The following ADGRE1 variants were observed in gnomAD, a reference collection of about 807,000 sequenced individuals.
The protein encoded by ADGRE1 is adhesion G protein-coupled receptor E1, also known as EGF-like module receptor 1.
ADGRE1 carries 82 observed loss-of-function variants against 102.7 expected under a neutral mutation model. The ratio of observed to expected loss-of-function variants is 0.80; its 90% CI spans 0.67 to 0.96. The LOEUF (loss-of-function observed/expected upper bound fraction) is 0.96. ADGRE1 is among the 40% of genes least tolerant of loss of function. The pLI is 0.00. For synonymous variants in ADGRE1, 398 were observed against 399.6 expected (o/e 1.00, Z 0.05); for missense variants, 1,032 against 1,085.3 (o/e 0.95, Z 0.69).
At chr19:6,888,578 G>A (rs551998407) in intron 1 of ADGRE1, among the ~76,000 whole-genome samples, 2 of 152,292 alleles carry the variant, frequency 1.3e-5, no homozygotes, top group South Asian at 4.1e-4. Flanking sequence ...TTTTACCAAG[G>A]AGGAAACTGA....
In ADGRE1 at chr19:6,901,758, T is replaced by C. The variant is rs928463947; in HGVS notation, c.515-117T>C. ...GGGAAGAAGGGGGGAACATGGATAT[T>C]GGGGAGCATCAGCCCTGTCTGCTGA... On this transcript the variant is annotated intron_variant, in intron 5 of 20. Coordinates refer to ENST00000312053, the MANE Select transcript of ADGRE1 (RefSeq NM_001974.5). The C allele has an allele frequency of 2.1e-5, 22 of 1,035,348 alleles. No homozygotes were observed. The African/African-American group carries it at 3.5e-4, about 17-fold the overall frequency. 64.1% of individuals were successfully genotyped at this position (1,035,348 alleles called of 1,614,324 possible).
At chr19:6,893,255 T>C (rs1973439977) in intron 2 of ADGRE1, among the ~76,000 whole-genome samples, 1 of 152,186 alleles carries the variant, frequency 6.6e-6, no homozygotes, top group Admixed American at 6.5e-5. Context: ...TGGAGTGCAA[T>C]GGCGCAATCT....
intron 10 of ADGRE1, among the ~76,000 whole-genome samples, chr19:6,912,440 T>C (rs889100148): frequency 1.3e-5 from 2 of 152,220 alleles, no homozygotes; most frequent in Non-Finnish European, 2.9e-5. Flanking sequence ...AGATATCTTC[T>C]ACAAATTAAA....
intron 16 of ADGRE1, among the ~76,000 whole-genome samples, chr19:6,927,176 C>T (rs1599760575): frequency 6.6e-6 from 1 of 151,390 alleles, no homozygotes; most frequent in East Asian, 1.9e-4. Flanking sequence ...ATCCTTTCTT[C>T]CTCCCTCCCA....
At chr19:6,931,778 A>AGTCTC (rs1975162926) in intron 17 of ADGRE1, among the ~76,000 whole-genome samples, 1 of 149,714 alleles carries the variant, frequency 6.7e-6, no homozygotes, top group Non-Finnish European at 1.5e-5. Flanking sequence ...AGCCTGGGTG[A>AGTCTC]CAGAGGGAGA....
chr19:6,936,023 A>G lies in ADGRE1; in HGVS notation c.2381+945A>G, dbSNP rs541183479. Among the ~76,000 whole-genome samples the G allele has an allele frequency of 3.2e-3, 490 of 152,336 alleles. 1 individual carries two copies. Among genetic ancestry groups the G allele is most frequent in the Non-Finnish European group, 5.6e-3 (381 of 68,036 alleles). On this transcript the variant is annotated intron_variant, in intron 18 of 20. Coordinates refer to ENST00000312053, the MANE Select transcript of ADGRE1 (RefSeq NM_001974.5). The stretch of plus-strand genomic sequence containing the variant: ...CCACTCAACTACTGTTCATTTTAAG[A>G]AACTTCAGCAACCATCATCTAGGTT...
intron 12 of ADGRE1, among the ~76,000 whole-genome samples, chr19:6,917,396 T>C (rs1438886150): frequency 6.6e-6 from 1 of 152,008 alleles, no homozygotes; most frequent in Non-Finnish European, 1.5e-5. Flanking sequence ...GTCATGGAAC[T>C]AAAAGTAGAG....
Position 6,919,545 on chromosome 19 carries a change from C to T in ADGRE1, c.1421-3C>T. On this transcript the variant is annotated splice_polypyrimidine_tract_variant and splice_region_variant and intron_variant, in intron 12 of 20. Transcript: ENST00000312053. ...CCTTTTTTTCATTTGGGGAAACCTG[C>T]AGAGACCACTGGTGTGGCTTTTGTC... 2.5e-6 allele frequency: 4 copies of T among 1,606,284 alleles called. No homozygotes were observed. Among genetic ancestry groups the T allele is most frequent in the East Asian group, 4.5e-5 (2 of 44,188 alleles).
chr19:6,921,960 G>A (rs1974686591), intron 14 of ADGRE1, 77 bp downstream of exon 14: 6 of 1,497,456 alleles, frequency 4.0e-6, no homozygotes, highest in Non-Finnish European at 5.4e-6. Context: ...TTAAACATCT[G>A]TTGTGTGTCT....
chr19:6,922,433 G>T (rs969799351), intron 14 of ADGRE1, among the ~76,000 whole-genome samples: 3 of 151,826 alleles, frequency 2.0e-5, no homozygotes, highest in Non-Finnish European at 4.4e-5. Flanking sequence ...GGCCAACATG[G>T]TGAAACCCCC....
intron 12 of ADGRE1, among the ~76,000 whole-genome samples, chr19:6,917,051 A>G (rs760319804): frequency 1.3e-5 from 2 of 152,320 alleles, no homozygotes; most frequent in Non-Finnish European, 2.9e-5. Context: ...AAGCATTGCA[A>G]TTAATACAGC....
intron 10 of ADGRE1, among the ~76,000 whole-genome samples, chr19:6,912,090 A>T (rs1176659508): frequency 6.6e-6 from 1 of 151,724 alleles, no homozygotes; most frequent in Non-Finnish European, 1.5e-5. Context: ...ACAAACACAC[A>T]TATATACACA....
chr19:6,900,595 T>C (rs2144904002), intron 5 of ADGRE1, among the ~76,000 whole-genome samples: 1 of 152,268 alleles, frequency 6.6e-6, no homozygotes, highest in Non-Finnish European at 1.5e-5. Context: ...CCTTTTTCAG[T>C]CTTATTCTCT....
intron 5 of ADGRE1, chr19:6,898,286 T>A: frequency 6.3e-7 from 1 of 1,592,804 alleles, no homozygotes; most frequent in South Asian, 1.1e-5. Context: ...AGTGAATTTG[T>A]AACTCCAATT....
intron 17 of ADGRE1, among the ~76,000 whole-genome samples, chr19:6,934,535 C>G (rs1975307502): frequency 6.6e-6 from 1 of 151,052 alleles, no homozygotes; most frequent in Non-Finnish European, 1.5e-5. Flanking sequence ...ATTCTCATGC[C>G]TCAGCCTCCC....
At position 6,908,757 on chromosome 19, in the gene ADGRE1, C is replaced by T. The variant is rs147647989; in HGVS notation, c.1107C>T (p.Thr369=). The T allele has an allele frequency of 1.8e-5, 29 of 1,609,552 alleles. No homozygotes were observed. Among genetic ancestry groups the T allele is most frequent in the African/African-American group, 4.0e-5 (3 of 74,450 alleles). ...ACAAAGTGTGTGAAAATAAAACGAC[C>T]GTAGTTTCTCTGAAGGTAACGATTG... ...VLDKVCENKT[T]VVSLKNTTES... is the part of the protein sequence containing the mutation. The change falls in exon 10 of 21, where the codon ACC becomes ACT. Residue 369 remains threonine (T), a synonymous_variant. Transcript: ENST00000312053.
At chr19:6,923,002 G>C (rs141201773) in intron 14 of ADGRE1, among the ~76,000 whole-genome samples, 1 of 152,110 alleles carries the variant, frequency 6.6e-6, no homozygotes, top group Non-Finnish European at 1.5e-5. Context: ...GCGTGAACCC[G>C]GGAGGCAGGG....
intron 5 of ADGRE1, among the ~76,000 whole-genome samples, chr19:6,899,858 C>T (rs1973703233): frequency 6.6e-6 from 1 of 151,630 alleles, no homozygotes; most frequent in African/African-American, 2.4e-5. Context: ...TTTGGGAGGC[C>T]AAGGCAGGCA....
At chr19:6,935,632 T>C (rs1406258012) in intron 18 of ADGRE1, among the ~76,000 whole-genome samples, 1 of 152,230 alleles carries the variant, frequency 6.6e-6, no homozygotes, top group African/African-American at 2.4e-5. Flanking sequence ...TTTTTGGTTT[T>C]GGTTTGTTCT....
Sources: allele counts gnomAD v4.1 joint callset (sites outside exome capture counted in the v4.1 genomes callset), GRCh38; gene constraint gnomAD v4.1.1; transcripts MANE v1.5; gene names NCBI Gene and HGNC (gene_info 2026-07-23, HGNC 2026-07-21).